LRP1B: variants seen among roughly 807,000 people sequenced by gnomAD.
The protein encoded by LRP1B is LDL receptor related protein 1B, also known as low-density lipoprotein receptor-related protein 1B.
A neutral mutation model predicts 556.6 loss-of-function variants in LRP1B; 217 were observed. The ratio of observed to expected loss-of-function variants is 0.39; its 90% CI spans 0.35 to 0.44. LRP1B has a LOEUF of 0.44. Among genes scored for constraint, LRP1B ranks in the 20% least tolerant of loss-of-function variants. LRP1B has a pLI of 1.00. For missense variants in LRP1B, 5,053 were observed against 5,620.8 expected (o/e 0.90, Z 3.23); for synonymous variants, 2,047 against 1,865.8 (o/e 1.10, Z -2.50).
chr2:140,240,355 T>A (rs1457099119), intron 87 of LRP1B, among the ~76,000 whole-genome samples: 1 of 150,738 alleles, frequency 6.6e-6, no homozygotes, highest in Non-Finnish European at 1.5e-5. Flanking sequence ...TCAGTGAAAT[T>A]TGGTCTTTGT....
At chr2:140,315,752 G>A (rs1422164574) in intron 82 of LRP1B, among the ~76,000 whole-genome samples, 2 of 152,246 alleles carry the variant, frequency 1.3e-5, no homozygotes, top group East Asian at 1.9e-4. Flanking sequence ...TATAGCATAT[G>A]CACACACATA....
At chr2:140,473,451 C>G (rs76436665) in intron 60 of LRP1B, among the ~76,000 whole-genome samples, 1 of 151,934 alleles carries the variant, frequency 6.6e-6, no homozygotes, top group South Asian at 2.1e-4. Context: ...ACACATGTCT[C>G]TCTATCCAAA....
At chr2:141,306,121 TACCTACTCTTCAATTATTTA>T in intron 3 of LRP1B, among the ~76,000 whole-genome samples, 2 of 125,578 alleles carry the variant, frequency 1.6e-5, no homozygotes, top group African/African-American at 6.5e-5. Flanking sequence ...TATGGAAAAT[TACCTACTCTTCAATTATTTA>T]GAATAGTTTG....
At chr2:141,718,647 A>G (rs1440110694) in intron 2 of LRP1B, among the ~76,000 whole-genome samples, 3 of 152,194 alleles carry the variant, frequency 2.0e-5, no homozygotes, top group Non-Finnish European at 4.4e-5. Context: ...TGCTATCATT[A>G]TGTTTTACGT....
At chr2:141,915,420 C>T (rs1213243701) in intron 1 of LRP1B, among the ~76,000 whole-genome samples, 1 of 152,038 alleles carries the variant, frequency 6.6e-6, no homozygotes, top group East Asian at 1.9e-4. Flanking sequence ...TATGGTGAAC[C>T]TTTCACCATA....
chr2:141,622,935 A>T (rs1688556554), intron 2 of LRP1B, among the ~76,000 whole-genome samples: 1 of 152,204 alleles, frequency 6.6e-6, no homozygotes, highest in Non-Finnish European at 1.5e-5. Context: ...CTTTAAAATA[A>T]CAAGGTCAAT....
At chr2:141,414,568 T>A (rs533971474) in intron 3 of LRP1B, among the ~76,000 whole-genome samples, 20 of 152,332 alleles carry the variant, frequency 1.3e-4, no homozygotes, top group African/African-American at 4.8e-4. Flanking sequence ...CCCTTGCCCA[T>A]AGTGCAGGCA....
At chr2:141,067,389 A>T (rs1039376286) in intron 7 of LRP1B, among the ~76,000 whole-genome samples, 11 of 151,936 alleles carry the variant, frequency 7.2e-5, no homozygotes, top group Non-Finnish European at 1.6e-4. Flanking sequence ...TTATTTATTG[A>T]TCTTTACTTG....
chr2:140,869,004 G>T (rs1693041163), intron 25 of LRP1B, among the ~76,000 whole-genome samples: 1 of 152,040 alleles, frequency 6.6e-6, no homozygotes, highest in African/African-American at 2.4e-5. Context: ...TCGAATCCAT[G>T]AACCAGAGTA....
intron 7 of LRP1B, among the ~76,000 whole-genome samples, chr2:141,149,489 T>C (rs1405003011): frequency 1.3e-5 from 2 of 152,086 alleles, no homozygotes; most frequent in African/African-American, 2.4e-5. Flanking sequence ...GACGGTAGAG[T>C]GTAAGGGACA....
At chr2:140,803,563 G>A (rs1690600991) in intron 32 of LRP1B, among the ~76,000 whole-genome samples, 1 of 151,964 alleles carries the variant, frequency 6.6e-6, no homozygotes, top group Non-Finnish European at 1.5e-5. Flanking sequence ...CTCCCAAAGT[G>A]CTGGGATTAC....
At chr2:142,036,138 C>T (rs1703870338) in intron 1 of LRP1B, among the ~76,000 whole-genome samples, 1 of 151,592 alleles carries the variant, frequency 6.6e-6, no homozygotes, top group Admixed American at 6.6e-5. Flanking sequence ...CCAAGAACAC[C>T]ACCCCAGGCC....
chr2:141,097,923 A>T (rs533022363), intron 7 of LRP1B, among the ~76,000 whole-genome samples: 1 of 152,202 alleles, frequency 6.6e-6, no homozygotes, highest in African/African-American at 2.4e-5. Context: ...TTGTCAATGA[A>T]TGGTAGTTGC....
intron 3 of LRP1B, among the ~76,000 whole-genome samples, chr2:141,450,478 A>T (rs893910029): frequency 6.6e-6 from 1 of 152,170 alleles, no homozygotes; most frequent in Non-Finnish European, 1.5e-5. Context: ...GAAGGTGCAG[A>T]GTAAACTCAA....
At chr2:141,291,251 T>A (rs533697077) in intron 3 of LRP1B, among the ~76,000 whole-genome samples, 7 of 152,326 alleles carry the variant, frequency 4.6e-5, no homozygotes, top group African/African-American at 1.7e-4. Flanking sequence ...GAAAATTGTT[T>A]AGAATAATAT....
Position 140,370,817 on chromosome 2 carries a change from T to C in LRP1B, c.10901A>G (p.Glu3634Gly). 1.2e-6 allele frequency: 2 copies of C among 1,612,622 alleles called. No homozygotes were observed. The highest frequency in any genetic ancestry group is 1.7e-6 in the Non-Finnish European group (2 of 1,179,030). ...TTTATTTTTGCACCGAAACTGATCTTCCTTACATTCAGTCACACAGTCCAT... is the reference window on the plus strand; with the variant it reads ...TTTATTTTTGCACCGAAACTGATCTCCCTTACATTCAGTCACACAGTCCAT... Reference protein sequence around the residue: ...DEMDCVTECKEDQFRCKNKAH... With the variant: ...DEMDCVTECKGDQFRCKNKAH... Residue 3634 changes from glutamate (E) to glycine (G), a missense_variant, in exon 71 of 91, where the codon GAA becomes GGA. Glu to Gly is a moderately conservative substitution (Grantham distance 98, BLOSUM62 -2). This residue lies in a region of LRP1B where 599 missense variants were observed against 648.4 expected (regional missense o/e 0.92). Transcript: ENST00000389484.
chr2:141,397,105 C>CTT (rs1690264335), intron 3 of LRP1B, among the ~76,000 whole-genome samples: 1 of 9,516 alleles, frequency 1.1e-4, no homozygotes, highest in African/African-American at 3.7e-4. Flanking sequence ...AAGAAGGAAA[C>CTT]TTTGTCTCAA....
intron 3 of LRP1B, among the ~76,000 whole-genome samples, chr2:141,259,667 G>A (rs577439808): frequency 3.3e-5 from 5 of 152,148 alleles, no homozygotes; most frequent in African/African-American, 1.2e-4. Flanking sequence ...TGATATCAGC[G>A]AAAAATTGGA....
chr2:141,943,882 T>C (rs1382052845), intron 1 of LRP1B, among the ~76,000 whole-genome samples: 1 of 151,940 alleles, frequency 6.6e-6, no homozygotes, highest in East Asian at 1.9e-4. Flanking sequence ...GTGAGGGGGA[T>C]GGAATTATTG....
Sources: allele counts gnomAD v4.1 joint callset (sites outside exome capture counted in the v4.1 genomes callset), GRCh38; gene constraint gnomAD v4.1.1; regional missense constraint gnomAD v4.1.1; transcripts MANE v1.5; gene names NCBI Gene and HGNC (gene_info 2026-07-23, HGNC 2026-07-21).